The following TMCO4 variants were observed in gnomAD, a reference collection of about 807,000 sequenced individuals.
TMCO4 encodes the protein transmembrane and coiled-coil domain-containing protein 4.
In TMCO4, 58 loss-of-function variants were observed where a neutral mutation model predicts 64.7. The observed-to-expected ratio is 0.90, with a 90% CI of 0.73 to 1.12. TMCO4 has a LOEUF of 1.12. TMCO4 is among the 50% of genes most tolerant of loss of function. The pLI is 0.00. For missense variants in TMCO4, 780 were observed against 825.9 expected (o/e 0.94, Z 0.68); for synonymous variants, 325 against 346.1 (o/e 0.94, Z 0.68).
At chr1:19,685,342 A>ACAAC (rs1182744047) in intron 15 of TMCO4, among the ~76,000 whole-genome samples, 1 of 151,760 alleles carries the variant, frequency 6.6e-6, no homozygotes, top group African/African-American at 2.4e-5. Context: ...AAACAAACAG[A>ACAAC]CAAAAAACAT....
rs182465124 is a variant in TMCO4, at chr1:19,724,612, C to A, written c.1264+12760G>T. ...TGGTAGTTATTAAATCCTAGAATAACCCCCAGAGGGATCAATATCCCAATT... is the reference window on the plus strand; with the variant it reads ...TGGTAGTTATTAAATCCTAGAATAAACCCCAGAGGGATCAATATCCCAATT... On this transcript the variant is annotated intron_variant, in intron 13 of 15. Coordinates refer to ENST00000294543, the MANE Select transcript of TMCO4 (RefSeq NM_181719.7). Among the ~76,000 whole-genome samples, 7 of 152,242 alleles carry A rather than the reference C, an allele frequency of 4.6e-5. No homozygotes were observed. The East Asian group carries it at 5.8e-4, about 13-fold the overall frequency.
Position 19,746,475 on chromosome 1 carries a change from T to G in TMCO4, c.738A>C (p.Ala246=), listed in dbSNP as rs888202074. The change falls in exon 9 of 16, where the codon GCA becomes GCC. Residue 246 remains alanine, a synonymous_variant. Coordinates refer to ENST00000294543, the MANE Select transcript of TMCO4 (RefSeq NM_181719.7). ...CCTTACCTGTCAGGCCAGCTCCAGCTGCACCAAACAGCGAGGTCATGATGG... is the reference window on the plus strand; with the variant it reads ...CCTTACCTGTCAGGCCAGCTCCAGCGGCACCAAACAGCGAGGTCATGATGG... ...GIAIMTSLFG[A]AGAGLTGYKM... 3.7e-6 allele frequency: 6 copies of G among 1,613,358 alleles called. No homozygotes were observed. In the African/African-American group the frequency reaches 6.7e-5, roughly 18 times the overall value.
chr1:19,771,517 C>A (rs2042982501), intron 4 of TMCO4, 35 bp from the exon 5 acceptor site: 1 of 1,602,960 alleles, frequency 6.2e-7, no homozygotes, highest in African/African-American at 1.3e-5. Context: ...CTCCAGGATC[C>A]TCAGAGCTCA....
At chr1:19,715,833 C>T (rs543680976) in intron 13 of TMCO4, among the ~76,000 whole-genome samples, 2 of 152,320 alleles carry the variant, frequency 1.3e-5, no homozygotes, top group African/African-American at 4.8e-5. Flanking sequence ...CCTGGCAGAA[C>T]CCTACCCCAA....
intron 15 of TMCO4, among the ~76,000 whole-genome samples, chr1:19,686,324 G>A (rs950031451): frequency 1.3e-5 from 2 of 152,152 alleles, no homozygotes; most frequent in African/African-American, 4.8e-5. Flanking sequence ...TTCCTTTAAG[G>A]CTGAAGGGGA....
intron 8 of TMCO4, 93 bp downstream of exon 8, chr1:19,747,070 G>A: frequency 7.7e-7 from 1 of 1,296,048 alleles, no homozygotes; most frequent in Non-Finnish European, 1.1e-6. Context: ...CCTCCCAGCT[G>A]AGCCCCTGCA....
Position 19,688,534 on chromosome 1 carries a change from C to T in TMCO4, c.1501-5090G>A, listed in dbSNP as rs141176928. On this transcript the variant is annotated intron_variant, in intron 15 of 15. Coordinates refer to ENST00000294543, the MANE Select transcript of TMCO4 (RefSeq NM_181719.7). ...GAGGCTAATAAAGAGACCTATACCA[C>T]GTGGGCTGGCTGTGTGGCTTTGATA... 2.2e-4 allele frequency among the ~76,000 whole-genome samples: 33 copies of T among 152,282 alleles called. No homozygotes were observed. The East Asian group carries it at 5.2e-3, about 24-fold the overall frequency.
intron 6 of TMCO4, among the ~76,000 whole-genome samples, chr1:19,764,399 A>G (rs2042637815): frequency 6.6e-6 from 1 of 152,234 alleles, no homozygotes; most frequent in Non-Finnish European, 1.5e-5. Flanking sequence ...CTATAAAGAA[A>G]GCACTTAGCT....
chr1:19,716,115 G>C (rs2095354524), intron 13 of TMCO4, among the ~76,000 whole-genome samples: 1 of 152,018 alleles, frequency 6.6e-6, no homozygotes, highest in Non-Finnish European at 1.5e-5. Context: ...CCAGGAGTTT[G>C]AGACCAGCCT....
At chr1:19,722,855 C>T (rs2100748162) in intron 13 of TMCO4, among the ~76,000 whole-genome samples, 1 of 152,212 alleles carries the variant, frequency 6.6e-6, no homozygotes, top group Non-Finnish European at 1.5e-5. Context: ...GGCAGGAACA[C>T]TGTGATCCTC....
chr1:19,774,748 G>A (rs550737540), intron 4 of TMCO4, among the ~76,000 whole-genome samples: 40 of 152,100 alleles, frequency 2.6e-4, no homozygotes, highest in South Asian at 8.3e-4. Context: ...TGAGAGCTTC[G>A]TACACCTTGA....
At position 19,781,328 on chromosome 1, in the gene TMCO4, A is replaced by C. The variant is rs559176375; in HGVS notation, c.-8-562T>G. ...AATAAAATAAAATAATTAGCTGGGC[A>C]TGGTGGCACACGCCTGTAGTTCCAG... On this transcript the variant is annotated intron_variant, in intron 3 of 15. Coordinates refer to ENST00000294543, the MANE Select transcript of TMCO4 (RefSeq NM_181719.7). 3.6e-4 allele frequency among the ~76,000 whole-genome samples: 55 copies of C among 152,070 alleles called. No homozygotes were observed. In the South Asian group the frequency reaches 6.0e-3, roughly 17 times the overall value.
In TMCO4 at chr1:19,708,573, G is replaced by T. The variant is rs796295462; in HGVS notation, c.1265-7688C>A. 1.2e-4 allele frequency among the ~76,000 whole-genome samples: 19 copies of T among 152,270 alleles called. 1 individual carries two copies. The highest frequency in any genetic ancestry group is 4.6e-4 in the African/African-American group (19 of 41,556). On this transcript the variant is annotated intron_variant, in intron 13 of 15. Coordinates refer to ENST00000294543, the MANE Select transcript of TMCO4 (RefSeq NM_181719.7). ...CAGCCCTTCCAAAGGGCCCCACAGAGAACACTTTCGGACAGTGTGGGGCCT... is the reference window on the plus strand; with the variant it reads ...CAGCCCTTCCAAAGGGCCCCACAGATAACACTTTCGGACAGTGTGGGGCCT...
At chr1:19,791,664 C>T (rs531243688) in intron 2 of TMCO4, among the ~76,000 whole-genome samples, 3 of 151,732 alleles carry the variant, frequency 2.0e-5, no homozygotes, top group Admixed American at 6.5e-5. Flanking sequence ...TGGATTCCTG[C>T]GACGAGAAAA....
intron 2 of TMCO4, among the ~76,000 whole-genome samples, chr1:19,795,488 A>T (rs1356892677): frequency 1.3e-5 from 2 of 152,166 alleles, no homozygotes; most frequent in East Asian, 3.8e-4. Flanking sequence ...GTAAATAAAT[A>T]AAAAATAAAT....
chr1:19,739,985 G>A, intron 11 of TMCO4, 25 bp from the exon 12 acceptor site: 1 of 1,607,106 alleles, frequency 6.2e-7, no homozygotes, highest in Non-Finnish European at 8.5e-7. Flanking sequence ...TAGTGATGAA[G>A]GGAATGGCCC....
At chr1:19,713,060 C>T (rs1012506103) in intron 13 of TMCO4, among the ~76,000 whole-genome samples, 6 of 152,168 alleles carry the variant, frequency 3.9e-5, no homozygotes, top group Non-Finnish European at 7.3e-5. Context: ...GTGGAATTCA[C>T]GTGCAAGGCC....
chr1:19,747,433 T>C (rs578240926), intron 7 of TMCO4, among the ~76,000 whole-genome samples, 173 bp from the exon 8 acceptor site: 1 of 152,308 alleles, frequency 6.6e-6, no homozygotes, highest in South Asian at 2.1e-4. Flanking sequence ...GAAAACATTC[T>C]AAAACCCAGC....
chr1:19,749,970 C>T (rs1265355317), intron 7 of TMCO4: 1 of 152,206 alleles, frequency 6.6e-6, no homozygotes, highest in Non-Finnish European at 1.5e-5. Context: ...TTATTTGTCA[C>T]ATCTGAGTTT....
Sources: allele counts gnomAD v4.1 joint callset (sites outside exome capture counted in the v4.1 genomes callset), GRCh38; gene constraint gnomAD v4.1.1; transcripts MANE v1.5; gene names NCBI Gene and HGNC (gene_info 2026-07-23, HGNC 2026-07-21).